The following METTL15 variants were observed in gnomAD, a reference collection of about 807,000 sequenced individuals.
METTL15 encodes methyltransferase 15, mitochondrial 12S rRNA N4-cytidine.
Under a neutral mutation model 38.3 loss-of-function variants are expected in METTL15, and 34 were observed. The ratio of observed to expected loss-of-function variants is 0.89; its 90% CI spans 0.68 to 1.18. The LOEUF is 1.18. Among genes scored for constraint, METTL15 ranks in the 50% most tolerant of loss-of-function variants. The probability of loss-of-function intolerance (pLI) is 0.00; values close to 1 mark genes in which losing one functional copy is unlikely to be tolerated. For synonymous variants in METTL15, 162 were observed against 170.9 expected (o/e 0.95, Z 0.41); for missense variants, 438 against 498.4 (o/e 0.88, Z 1.15).
At chr11:28,195,972 T>C (rs1308182091) in intron 3 of METTL15, among the ~76,000 whole-genome samples, 1 of 152,080 alleles carries the variant, frequency 6.6e-6, no homozygotes, top group East Asian at 1.9e-4. Flanking sequence ...TTCCCCAGTT[T>C]ACATTTTTGT....
intron 4 of METTL15, among the ~76,000 whole-genome samples, chr11:28,263,580 T>G (rs1338197175): frequency 6.6e-6 from 1 of 152,072 alleles, no homozygotes; most frequent in African/African-American, 2.4e-5. Context: ...GTAATTGCAT[T>G]TCTTTCCATT....
intron 6 of METTL15, among the ~76,000 whole-genome samples, chr11:28,303,336 A>G (rs79779571): frequency 0.033 from 5,059 of 152,274 alleles, 285 homozygotes; most frequent in African/African-American, 0.11. Context: ...TTTAGTAAAC[A>G]TAACCATGCC....
At chr11:28,250,488 A>T (rs1005730536) in intron 4 of METTL15, among the ~76,000 whole-genome samples, 1 of 151,876 alleles carries the variant, frequency 6.6e-6, no homozygotes, top group African/African-American at 2.4e-5. Context: ...ATTTTTTCAT[A>T]TGCCTTTGGC....
chr11:28,290,089 A>T, intron 4 of METTL15, 117 bp from the exon 5 acceptor site: 1 of 866,586 alleles, frequency 1.2e-6, no homozygotes, highest in Non-Finnish European at 1.7e-6. Flanking sequence ...GCACTCAATA[A>T]ATATATATCG....
intron 3 of METTL15, chr11:28,163,450 CT>C (rs1346102263): frequency 1.3e-5 from 5 of 398,000 alleles, no homozygotes; most frequent in Non-Finnish European, 1.8e-5. Flanking sequence ...AATTTTTCCT[CT>C]TGTAACTCTC....
chr11:28,113,139 G>C (rs1035437607), intron 2 of METTL15, among the ~76,000 whole-genome samples, 179 bp from the exon 3 acceptor site: 3 of 151,924 alleles, frequency 2.0e-5, no homozygotes, highest in Middle Eastern at 3.4e-3. Context: ...GGTCCTCTTA[G>C]GTTCCTTGCT....
chr11:28,290,778 T>G (rs1856480220), intron 5 of METTL15, among the ~76,000 whole-genome samples: 1 of 151,878 alleles, frequency 6.6e-6, no homozygotes, highest in South Asian at 2.1e-4. Context: ...ACTACATATA[T>G]TTAATGCATC....
intron 3 of METTL15, among the ~76,000 whole-genome samples, chr11:28,138,795 T>C (rs1262463053): frequency 6.6e-6 from 1 of 152,146 alleles, no homozygotes; most frequent in East Asian, 1.9e-4. Context: ...AATGGAAACC[T>C]GCAGCAATGT....
At chr11:28,273,743 G>T (rs1855735050) in intron 4 of METTL15, among the ~76,000 whole-genome samples, 1 of 152,012 alleles carries the variant, frequency 6.6e-6, no homozygotes, top group Non-Finnish European at 1.5e-5. Context: ...CTAAAGATAT[G>T]AATTTCAGTA....
At chr11:28,392,427 A>G (rs998164293) in intron 5 of METTL15, among the ~76,000 whole-genome samples, 24 of 151,982 alleles carry the variant, frequency 1.6e-4, no homozygotes, top group Non-Finnish European at 1.6e-4. Context: ...CCAGAAATAG[A>G]CCCTTTGGTA....
chr11:28,245,784 G>A (rs970197361), intron 4 of METTL15, among the ~76,000 whole-genome samples: 12 of 152,126 alleles, frequency 7.9e-5, no homozygotes, highest in Non-Finnish European at 1.5e-4. Flanking sequence ...GGAAGCAAGC[G>A]TGTCTTCACG....
In METTL15 at chr11:28,158,741, G is replaced by A. The variant is rs138313313; in HGVS notation, c.270+45137G>A. Among the ~76,000 whole-genome samples, 13 of 152,308 alleles carry A rather than the reference G, an allele frequency of 8.5e-5. No individual in the cohort carries two copies. In the East Asian group the frequency reaches 2.5e-3, roughly 29 times the overall value. On this transcript the variant is annotated intron_variant, in intron 3 of 6. Transcript: ENST00000407364. ...GCACTCACTTTATGGCTTAAGAAGT[G>A]CAGCAGTGGGCTCATGCTCATGGAA... is the stretch of plus-strand genomic sequence containing the variant.
At chr11:28,164,485 AT>A (rs1850586081) in intron 3 of METTL15, among the ~76,000 whole-genome samples, 1 of 151,910 alleles carries the variant, frequency 6.6e-6, no homozygotes, top group Admixed American at 6.6e-5. Flanking sequence ...GCCATACATG[AT>A]TTTCTTTCAC....
intron 5 of METTL15, among the ~76,000 whole-genome samples, chr11:28,378,995 A>G (rs1205231323): frequency 6.6e-6 from 1 of 151,828 alleles, no homozygotes; most frequent in East Asian, 1.9e-4. Flanking sequence ...TAGGTTTTCT[A>G]ATTTATTAGC....
intron 6 of METTL15, among the ~76,000 whole-genome samples, chr11:28,469,783 A>G (rs1167287093): frequency 6.6e-6 from 1 of 152,150 alleles, no homozygotes; most frequent in Non-Finnish European, 1.5e-5. Context: ...AATTCATGAA[A>G]TGAGATTCAT....
At chr11:28,318,747 A>G (rs2134041742) in intron 6 of METTL15, among the ~76,000 whole-genome samples, 1 of 152,292 alleles carries the variant, frequency 6.6e-6, no homozygotes, top group South Asian at 2.1e-4. Flanking sequence ...TCAAATACAA[A>G]AACAACTGTA....
chr11:28,217,374 C>T (rs950444692), intron 4 of METTL15, among the ~76,000 whole-genome samples: 1 of 152,182 alleles, frequency 6.6e-6, no homozygotes. Flanking sequence ...TGAGAAGTGT[C>T]TGTTCGTATC....
intron 6 of METTL15, chr11:28,327,948 T>G: frequency 1.4e-6 from 1 of 722,388 alleles, no homozygotes; most frequent in Non-Finnish European, 2.2e-6. Flanking sequence ...AACCATCATT[T>G]TAATTTCTGC....
At chr11:28,440,720 TA>T (rs1315381065) in intron 6 of METTL15, among the ~76,000 whole-genome samples, 1 of 152,212 alleles carries the variant, frequency 6.6e-6, no homozygotes, top group Admixed American at 6.5e-5. Flanking sequence ...CGTGCACACA[TA>T]AATGCAAACA....
Sources: gnomAD v4.1 joint callset for allele counts (sites outside exome capture counted in the v4.1 genomes callset) on GRCh38, gnomAD v4.1.1 for gene constraint, MANE v1.5 for transcripts, NCBI Gene and HGNC (gene_info 2026-07-23, HGNC 2026-07-21) for gene names.